Variants in IPO11 observed in about 807,000 individuals in gnomAD.
IPO11 encodes the protein importin 11.
Under a neutral mutation model 143.2 loss-of-function variants are expected in IPO11, and 66 were observed. The ratio of observed to expected loss-of-function variants is 0.46; its 90% CI spans 0.38 to 0.57. The LOEUF is 0.57. IPO11 is among the 20% of genes least tolerant of loss of function. The probability of loss-of-function intolerance (pLI) is 0.00; values close to 1 mark genes in which losing one functional copy is unlikely to be tolerated. For synonymous variants in IPO11, 385 were observed against 377.8 expected, an observed-to-expected ratio of 1.02 and a Z score of -0.22; for missense variants, 1,026 against 1,141.0, an observed-to-expected ratio of 0.90 and a Z score of 1.45.
At chr5:62,579,847 T>G in intron 27 of IPO11, 1 of 1,548,578 alleles carries the variant, frequency 6.5e-7, no homozygotes, top group South Asian at 1.2e-5. Flanking sequence ...TCTTCGTAAT[T>G]TATATTTACA....
intron 29 of IPO11, among the ~76,000 whole-genome samples, chr5:62,619,081 G>A (rs1459153798): frequency 3.9e-5 from 6 of 152,186 alleles, no homozygotes; most frequent in African/African-American, 7.2e-5. Context: ...AAATTAGCCA[G>A]GCATGGTATT....
intron 2 of IPO11, among the ~76,000 whole-genome samples, chr5:62,441,397 A>G (rs1424068592): frequency 6.9e-6 from 1 of 144,330 alleles, no homozygotes; most frequent in South Asian, 2.2e-4. Flanking sequence ...GGATTTCTCC[A>G]TGTTGGTCAG....
intron 29 of IPO11, among the ~76,000 whole-genome samples, chr5:62,603,390 G>A (rs1423697931): frequency 1.3e-5 from 2 of 152,296 alleles, no homozygotes; most frequent in Middle Eastern, 3.4e-3. Flanking sequence ...CTTCAAAAAC[G>A]AACAAATCTG....
intron 9 of IPO11, among the ~76,000 whole-genome samples, chr5:62,478,069 A>C (rs1322143844): frequency 6.6e-6 from 1 of 151,326 alleles, no homozygotes; most frequent in Non-Finnish European, 1.5e-5. Context: ...TTCCCCTCCC[A>C]CCCTTGCTGG....
rs1051264068 is a variant in IPO11, at chr5:62,597,918, G to A, written c.2679-3846G>A. On this transcript the variant is annotated intron_variant, in intron 28 of 29. Transcript: ENST00000325324. Reference sequence around the variant, plus strand: ...CTGTGGCCTTAGCAACATCATCAAAGCCTGAGTTTTTTTCTACTCCATCCC... The same window carrying A: ...CTGTGGCCTTAGCAACATCATCAAAACCTGAGTTTTTTTCTACTCCATCCC... Among the ~76,000 whole-genome samples the A allele has an allele frequency of 3.3e-5, 5 of 152,262 alleles. No homozygotes were observed. The East Asian group carries it at 7.7e-4, about 24-fold the overall frequency.
intron 27 of IPO11, among the ~76,000 whole-genome samples, chr5:62,587,828 G>A (rs1744852037): frequency 6.6e-6 from 1 of 152,168 alleles, no homozygotes. Flanking sequence ...GCACAGAGAG[G>A]TTAAATTGAC....
chr5:62,522,366 C>T (rs751546408), intron 20 of IPO11, among the ~76,000 whole-genome samples: 28 of 151,606 alleles, frequency 1.8e-4, no homozygotes, highest in Non-Finnish European at 3.7e-4. Context: ...CTCACTGCAA[C>T]CTCCACCTCC....
At position 62,604,294 on chromosome 5, in the gene IPO11, C is replaced by A. The variant is rs141631215; in HGVS notation, c.2763+2446C>A. The stretch of plus-strand genomic sequence containing the variant: ...TATGATCTCGGCTCTCTGCAACCTC[C>A]GCCTCCCAGGTTCAAGCAGTAACCA... On this transcript the variant is annotated intron_variant, in intron 29 of 29. Transcript: ENST00000325324. Among the ~76,000 whole-genome samples, 200 of 152,146 alleles carry A rather than the reference C, an allele frequency of 1.3e-3. 1 individual carries two copies. The highest frequency in any genetic ancestry group is 4.0e-3 in the African/African-American group (166 of 41,500).
chr5:62,436,501 A>G (rs1744242498), intron 1 of IPO11, among the ~76,000 whole-genome samples: 2 of 152,216 alleles, frequency 1.3e-5, no homozygotes, highest in African/African-American at 4.8e-5. Context: ...ATTGTGAATA[A>G]CTATACATAC....
chr5:62,462,191 A>G (rs1580206757), intron 5 of IPO11, among the ~76,000 whole-genome samples: 1 of 152,188 alleles, frequency 6.6e-6, no homozygotes, highest in African/African-American at 2.4e-5. Context: ...GAACTTTCTA[A>G]CACATTTTTA....
intron 1 of IPO11, among the ~76,000 whole-genome samples, chr5:62,432,641 T>C (rs1744034234): frequency 1.3e-5 from 2 of 152,236 alleles, no homozygotes; most frequent in South Asian, 2.1e-4. Flanking sequence ...TCCAGAGACT[T>C]TGAGCTTTTT....
In IPO11 at chr5:62,502,783, ATTTCT is replaced by A. The variant is rs1037486520; in HGVS notation, c.1591-1869_1591-1865del. Among the ~76,000 whole-genome samples, 19 of 152,116 alleles carry A rather than the reference ATTTCT, an allele frequency of 1.2e-4. No homozygotes were observed. In the South Asian group the frequency reaches 1.7e-3, roughly 13 times the overall value. On this transcript the variant is annotated intron_variant, in intron 16 of 29. Coordinates refer to ENST00000325324, the MANE Select transcript of IPO11 (RefSeq NM_016338.5). ...TAAGGGTTAGTGTGCTGGCAGTTTG[ATTTCT>A]TTTCTTTTCTTTTCCTTTCCTTTCC...
chr5:62,478,051 G>A (rs1349491667), intron 9 of IPO11, among the ~76,000 whole-genome samples: 2 of 152,048 alleles, frequency 1.3e-5, no homozygotes, highest in African/African-American at 4.8e-5. Flanking sequence ...CTTTGTCTGT[G>A]TGCTGCTTTC....
chr5:62,604,348 AC>A lies in IPO11; in HGVS notation c.2763+2501del, dbSNP rs554496272. 4.9e-3 allele frequency among the ~76,000 whole-genome samples: 753 copies of A among 152,128 alleles called. 6 individuals carry two copies. The highest frequency in any genetic ancestry group is 0.017 in the African/African-American group (709 of 41,502). On this transcript the variant is annotated intron_variant, in intron 29 of 29. Coordinates refer to ENST00000325324, the MANE Select transcript of IPO11 (RefSeq NM_016338.5). ...CTCAGCCTCCCGAGTAGCTGGGACT[AC>A]AAGTGTGTGCCACCATGTCTGGCTA...
intron 9 of IPO11, among the ~76,000 whole-genome samples, 195 bp from the exon 10 acceptor site, chr5:62,482,906 A>G (rs1268752954): frequency 1.3e-5 from 2 of 152,176 alleles, no homozygotes; most frequent in African/African-American, 4.8e-5. Context: ...ATTATCAGAT[A>G]TAATCTAACA....
chr5:62,588,872 T>G (rs1561376133), intron 27 of IPO11, among the ~76,000 whole-genome samples: 1 of 152,204 alleles, frequency 6.6e-6, no homozygotes, highest in Non-Finnish European at 1.5e-5. Flanking sequence ...TTGTCTTTGG[T>G]CAAGGCCCTC....
chr5:62,580,166 T>C, intron 27 of IPO11: 4 of 1,551,208 alleles, frequency 2.6e-6, no homozygotes, highest in Non-Finnish European at 3.5e-6. Flanking sequence ...ATTGAAGCAA[T>C]ACAGCCCTTT....
At chr5:62,587,008 C>T (rs1425974895) in intron 27 of IPO11, among the ~76,000 whole-genome samples, 1 of 150,226 alleles carries the variant, frequency 6.7e-6, no homozygotes, top group Non-Finnish European at 1.5e-5. Context: ...AGTTCTGTAC[C>T]AGCCCTTAAT....
chr5:62,480,796 CTT>C (rs1746167663), intron 9 of IPO11, among the ~76,000 whole-genome samples: 2 of 151,356 alleles, frequency 1.3e-5, no homozygotes, highest in African/African-American at 2.4e-5. Flanking sequence ...TATTCTGAGA[CTT>C]TGCTGAAGTT....
Sources: allele counts gnomAD v4.1 joint callset (sites outside exome capture counted in the v4.1 genomes callset), GRCh38; gene constraint gnomAD v4.1.1; transcripts MANE v1.5; gene names NCBI Gene and HGNC (gene_info 2026-07-23, HGNC 2026-07-21).